The following DOCK2 variants were observed in gnomAD, a reference collection of about 807,000 sequenced individuals.
The protein encoded by DOCK2 is dedicator of cytokinesis protein 2.
DOCK2 carries 87 observed loss-of-function variants against 248.9 expected under a neutral mutation model. The observed-to-expected ratio is 0.35, with a 90% CI of 0.29 to 0.42. The LOEUF is 0.42. Among genes scored for constraint, DOCK2 ranks in the 10% least tolerant of loss-of-function variants. The probability of loss-of-function intolerance (pLI) is 1.00; values close to 1 mark genes in which losing one functional copy is unlikely to be tolerated. For missense variants in DOCK2, 1,747 were observed against 2,300.2 expected (o/e 0.76, Z 4.92); for synonymous variants, 805 against 821.6 (o/e 0.98, Z 0.35).
chr5:169,859,976 CT>C (rs1328792487), intron 27 of DOCK2, among the ~76,000 whole-genome samples: 28 of 85,978 alleles, frequency 3.3e-4, no homozygotes, highest in South Asian at 8.1e-4. Flanking sequence ...TTTTTTTTTT[CT>C]TTTTTTTTTT....
intron 1 of DOCK2, among the ~76,000 whole-genome samples, chr5:169,645,151 A>G (rs1023157375): frequency 6.6e-6 from 1 of 152,204 alleles, no homozygotes; most frequent in Non-Finnish European, 1.5e-5. Context: ...TCCTTTGGGT[A>G]TATACCTAGT....
chr5:170,033,358 T>G (rs1057358537), intron 34 of DOCK2, among the ~76,000 whole-genome samples: 6 of 152,156 alleles, frequency 3.9e-5, no homozygotes, highest in African/African-American at 1.4e-4. Flanking sequence ...ATATAAATAC[T>G]AAAACAAATA....
At position 170,016,838 on chromosome 5, in the gene DOCK2, A is replaced by C. The variant is rs550424070; in HGVS notation, c.3233-2122A>C. Among the ~76,000 whole-genome samples the C allele has an allele frequency of 3.0e-4, 46 of 152,344 alleles. No individual in the cohort carries two copies. The South Asian group carries it at 8.9e-3, about 29-fold the overall frequency. On this transcript the variant is annotated intron_variant, in intron 32 of 51. Coordinates refer to ENST00000520908, the MANE Select transcript of DOCK2 (RefSeq NM_004946.3). ...CTGTGGTTTGAAAAAGACTTAAAGGATCTTGAAGGATGAAATCAGAAACCT... is the reference window on the plus strand; with the variant it reads ...CTGTGGTTTGAAAAAGACTTAAAGGCTCTTGAAGGATGAAATCAGAAACCT...
intron 41 of DOCK2, among the ~76,000 whole-genome samples, chr5:170,052,983 T>G (rs952718335): frequency 3.3e-5 from 5 of 152,190 alleles, no homozygotes; most frequent in African/African-American, 1.2e-4. Context: ...AAAAAGCTGA[T>G]AAGCAGTCTG....
intron 27 of DOCK2, among the ~76,000 whole-genome samples, chr5:169,936,857 G>A (rs1199227117): frequency 6.6e-6 from 1 of 152,112 alleles, no homozygotes; most frequent in Non-Finnish European, 1.5e-5. Flanking sequence ...TGTCTCTTGT[G>A]ATAGAATTAT....
chr5:170,081,779 T>G, intron 50 of DOCK2, 63 bp from the exon 51 acceptor site: 24 of 737,324 alleles, frequency 3.3e-5, no homozygotes, highest in Non-Finnish European at 4.1e-5. Flanking sequence ...CCTGTCTACC[T>G]CCCCCAAGGC....
chr5:169,792,362 G>GTA (rs1486473894), intron 25 of DOCK2, among the ~76,000 whole-genome samples: 20 of 150,518 alleles, frequency 1.3e-4, no homozygotes, highest in Admixed American at 6.6e-4. Context: ...GTGTGTGTGT[G>GTA]TATATATATA....
rs1420945791 is a variant in DOCK2, at chr5:169,714,403, G to C, written c.1887G>C (p.Leu629=). 1 of 1,614,102 alleles carries C rather than the reference G, an allele frequency of 6.2e-7. No individual in the cohort carries two copies. The highest frequency in any genetic ancestry group is 8.5e-7 in the Non-Finnish European group (1 of 1,179,974). ...GLLKWRMKPQ[L]LQENLEKLKI... ...TGAAGTGGCGTATGAAGCCTCAACT[G>C]CTACAGGAGAATTTAGAAAAGTTGA... Residue 629 remains leucine, a synonymous_variant, in exon 19 of 52, where the codon CTG becomes CTC. Transcript: ENST00000520908.
chr5:169,958,247 C>T lies in DOCK2; in HGVS notation c.2800-24821C>T, dbSNP rs190068464. The stretch of plus-strand genomic sequence containing the variant: ...GTTTTGCAAAAAAAAAAGGCACCTA[C>T]CCCATTTATACTTTACTGCACTGTT... On this transcript the variant is annotated intron_variant, in intron 27 of 51. Transcript: ENST00000520908. 2.0e-5 allele frequency among the ~76,000 whole-genome samples: 3 copies of T among 152,238 alleles called. No homozygotes were observed. In the East Asian group the frequency reaches 5.8e-4, roughly 29 times the overall value.
intron 13 of DOCK2, chr5:169,702,073 G>A: frequency 2.9e-6 from 1 of 349,432 alleles, no homozygotes; most frequent in South Asian, 5.0e-5. Flanking sequence ...AATTTTGAGT[G>A]TCCCTACTTC....
chr5:169,748,510 T>C (rs1763734057), intron 23 of DOCK2, among the ~76,000 whole-genome samples: 1 of 152,230 alleles, frequency 6.6e-6, no homozygotes, highest in Non-Finnish European at 1.5e-5. Flanking sequence ...ACCACTCTGC[T>C]GATGGCTTCC....
At chr5:169,765,103 C>CACACACACA (rs55959467) in intron 25 of DOCK2, among the ~76,000 whole-genome samples, 3 of 147,926 alleles carry the variant, frequency 2.0e-5, no homozygotes, top group Non-Finnish European at 4.5e-5. Flanking sequence ...CACACACACA[C>CACACACACA]CCCACACACA....
intron 25 of DOCK2, among the ~76,000 whole-genome samples, chr5:169,791,155 A>G (rs1766315097): frequency 6.6e-6 from 1 of 151,976 alleles, no homozygotes; most frequent in Non-Finnish European, 1.5e-5. Flanking sequence ...TCTAACACTT[A>G]CTAAGATCCT....
At chr5:169,697,759 G>A (rs1760717529) in intron 10 of DOCK2, among the ~76,000 whole-genome samples, 1 of 152,076 alleles carries the variant, frequency 6.6e-6, no homozygotes, top group Non-Finnish European at 1.5e-5. Flanking sequence ...AGCTTGATTG[G>A]AGTAGCTTTT....
chr5:169,981,391 A>G (rs1185621929), intron 27 of DOCK2, among the ~76,000 whole-genome samples: 1 of 152,194 alleles, frequency 6.6e-6, no homozygotes, highest in Admixed American at 6.5e-5. Context: ...TGTTTTTTAC[A>G]AATTGAAGGT....
At chr5:169,818,559 C>T (rs1355021770) in intron 26 of DOCK2, among the ~76,000 whole-genome samples, 2 of 152,088 alleles carry the variant, frequency 1.3e-5, no homozygotes, top group African/African-American at 4.8e-5. Flanking sequence ...TGGTTAATAC[C>T]AAAATGTTTT....
intron 27 of DOCK2, among the ~76,000 whole-genome samples, chr5:169,963,846 T>C (rs1201632506): frequency 3.3e-5 from 5 of 152,106 alleles, no homozygotes; most frequent in Admixed American, 2.6e-4. Context: ...TGGTTGAACA[T>C]AGACCGCTGG....
intron 27 of DOCK2, among the ~76,000 whole-genome samples, chr5:169,967,240 A>G (rs1777335166): frequency 6.6e-6 from 1 of 152,228 alleles, no homozygotes. Flanking sequence ...GACCACAGCT[A>G]GTGGTGGAGA....
At position 169,878,512 on chromosome 5, in the gene DOCK2, G is replaced by T. The variant is rs190198905; in HGVS notation, c.2799+37660G>T. Among the ~76,000 whole-genome samples the T allele has an allele frequency of 2.0e-5, 3 of 152,298 alleles. No homozygotes were observed. In the East Asian group the frequency reaches 5.8e-4, roughly 29 times the overall value. ...TATTCTAGCTAGATAACTATTGCTT[G>T]CTCAGGGCTGTGAAACTGAGACCTG... On this transcript the variant is annotated intron_variant, in intron 27 of 51. Coordinates refer to ENST00000520908, the MANE Select transcript of DOCK2 (RefSeq NM_004946.3).
Sources: allele counts gnomAD v4.1 joint callset (sites outside exome capture counted in the v4.1 genomes callset), GRCh38; gene constraint gnomAD v4.1.1; transcripts MANE v1.5; gene names NCBI Gene and HGNC (gene_info 2026-07-23, HGNC 2026-07-21).